MED12L: variants seen among roughly 807,000 people sequenced by gnomAD.
The protein encoded by MED12L is mediator complex subunit 12L, also known as mediator of RNA polymerase II transcription subunit 12-like protein.
In MED12L, 60 loss-of-function variants were observed where a neutral mutation model predicts 281.3. That is an observed-to-expected ratio of 0.21 (90% confidence interval 0.17 to 0.26). The LOEUF is 0.26. Among genes scored for constraint, MED12L ranks in the 10% least tolerant of loss-of-function variants. The probability of loss-of-function intolerance (pLI) is 1.00; values close to 1 mark genes in which losing one functional copy is unlikely to be tolerated. For missense variants in MED12L, 2,146 were observed against 2,680.9 expected (o/e 0.80, Z 4.41); for synonymous variants, 974 against 987.2 (o/e 0.99, Z 0.25).
At chr3:151,219,140 A>T (rs1577007368) in intron 16 of MED12L, among the ~76,000 whole-genome samples, 1 of 152,192 alleles carries the variant, frequency 6.6e-6, no homozygotes, top group African/African-American at 2.4e-5. Context: ...TCAATGCCAA[A>T]GATTCAATCT....
chr3:151,346,461 T>C (rs941190297), intron 16 of MED12L, among the ~76,000 whole-genome samples: 1 of 152,188 alleles, frequency 6.6e-6, no homozygotes, highest in Non-Finnish European at 1.5e-5. Flanking sequence ...CCTCTTACTT[T>C]AACCGCTTGT....
At chr3:151,363,151 CAG>C (rs1491523900) in intron 21 of MED12L, among the ~76,000 whole-genome samples, 12 of 152,110 alleles carry the variant, frequency 7.9e-5, no homozygotes, top group African/African-American at 2.7e-4. Context: ...AGTAATTACT[CAG>C]GGGTCAGCAG....
chr3:151,267,104 ACTC>A (rs1010562236), intron 16 of MED12L, among the ~76,000 whole-genome samples: 8 of 152,080 alleles, frequency 5.3e-5, no homozygotes, highest in Admixed American at 4.6e-4. Context: ...GCGTGTTAGA[ACTC>A]CTTACATTCT....
intron 21 of MED12L, among the ~76,000 whole-genome samples, chr3:151,361,304 A>C (rs1217842672): frequency 6.6e-6 from 1 of 152,124 alleles, no homozygotes; most frequent in Non-Finnish European, 1.5e-5. Flanking sequence ...TTTTTTTAAA[A>C]TGACCAGTAC....
intron 37 of MED12L, among the ~76,000 whole-genome samples, 163 bp from the exon 38 acceptor site, chr3:151,389,816 C>A (rs1713952128): frequency 6.6e-6 from 1 of 152,146 alleles, no homozygotes; most frequent in Admixed American, 6.5e-5. Context: ...ATGAATATTT[C>A]CAGGGGATTT....
At chr3:151,318,578 C>T (rs1401073534) in intron 16 of MED12L, among the ~76,000 whole-genome samples, 1 of 152,146 alleles carries the variant, frequency 6.6e-6, no homozygotes, top group African/African-American at 2.4e-5. Flanking sequence ...AGAAGCATCT[C>T]TTATGGCCCC....
At chr3:151,269,671 TA>T in intron 16 of MED12L, 1 of 416,310 alleles carries the variant, frequency 2.4e-6, no homozygotes, top group Non-Finnish European at 4.6e-6. Flanking sequence ...TTGGAGGTAT[TA>T]AATCAGGTTA....
intron 2 of MED12L, among the ~76,000 whole-genome samples, chr3:151,099,407 T>C (rs1721126910): frequency 6.6e-6 from 1 of 152,228 alleles, no homozygotes; most frequent in South Asian, 2.1e-4. Flanking sequence ...TGAATACATA[T>C]TCATTAAAAA....
At chr3:151,348,378 A>G (rs981778547) in intron 16 of MED12L, among the ~76,000 whole-genome samples, 5 of 147,876 alleles carry the variant, frequency 3.4e-5, no homozygotes, top group East Asian at 2.0e-4. Context: ...AAAGAAATAT[A>G]TCAGTAATTC....
chr3:151,309,131 A>ACACG (rs1311382941), intron 16 of MED12L, among the ~76,000 whole-genome samples: 1 of 135,958 alleles, frequency 7.4e-6, no homozygotes, highest in Non-Finnish European at 1.5e-5. Context: ...ACACACACAC[A>ACACG]CACACACACG....
chr3:151,111,656 C>T (rs1711913350), intron 2 of MED12L, among the ~76,000 whole-genome samples: 1 of 152,188 alleles, frequency 6.6e-6, no homozygotes, highest in African/African-American at 2.4e-5. Flanking sequence ...GGAATTAGAG[C>T]ATCCCCATTG....
chr3:151,372,216 A>G (rs149845121), intron 26 of MED12L, among the ~76,000 whole-genome samples: 3 of 152,338 alleles, frequency 2.0e-5, no homozygotes, highest in South Asian at 2.1e-4. Flanking sequence ...TTCCTTGTCT[A>G]TAAGTCAAAT....
chr3:151,396,883 G>T (rs1715051081), intron 39 of MED12L, among the ~76,000 whole-genome samples: 1 of 152,130 alleles, frequency 6.6e-6, no homozygotes, highest in Admixed American at 6.5e-5. Flanking sequence ...AACGATTTCA[G>T]CTAGAAATTT....
chr3:151,392,845 C>A (rs996010329), intron 38 of MED12L, among the ~76,000 whole-genome samples: 7 of 152,116 alleles, frequency 4.6e-5, no homozygotes, highest in African/African-American at 1.7e-4. Context: ...CCAGTAGTTT[C>A]TCAGAGGTAC....
At chr3:151,131,786 T>C (rs1206616046) in intron 5 of MED12L, among the ~76,000 whole-genome samples, 7 of 152,208 alleles carry the variant, frequency 4.6e-5, no homozygotes, top group African/African-American at 1.7e-4. Flanking sequence ...AAGAACGTTA[T>C]GGACTTGTTG....
intron 6 of MED12L, among the ~76,000 whole-genome samples, chr3:151,157,159 C>G (rs1341022130): frequency 2.0e-5 from 3 of 151,892 alleles, no homozygotes; most frequent in African/African-American, 7.3e-5. Context: ...AGAATTTAGT[C>G]TGCATCTTGG....
At chr3:151,269,052 T>G (rs1395644647) in intron 16 of MED12L, among the ~76,000 whole-genome samples, 1 of 152,150 alleles carries the variant, frequency 6.6e-6, no homozygotes, top group Non-Finnish European at 1.5e-5. Flanking sequence ...TTGGCCTCTC[T>G]GGGCTTGCTG....
In MED12L at chr3:151,386,398, T is replaced by C. The variant is rs185719365; in HGVS notation, c.5088+1207T>C. ...TTTATTTTGTTTTACTTTGTTTATTTATATTTTTTGAGATGGAATCTCGCT... is the reference window on the plus strand; with the variant it reads ...TTTATTTTGTTTTACTTTGTTTATTCATATTTTTTGAGATGGAATCTCGCT... On this transcript the variant is annotated intron_variant, in intron 36 of 44. Coordinates refer to ENST00000687756, the MANE Select transcript of MED12L (RefSeq NM_001393769.1). 2.6e-3 allele frequency among the ~76,000 whole-genome samples: 395 copies of C among 152,260 alleles called. 2 individuals are homozygous for C. The highest frequency in any genetic ancestry group is 9.3e-3 in the African/African-American group (385 of 41,554).
chr3:151,144,402 A>G (rs1717479924), intron 5 of MED12L, among the ~76,000 whole-genome samples: 1 of 152,208 alleles, frequency 6.6e-6, no homozygotes, highest in Admixed American at 6.5e-5. Flanking sequence ...GATACAGCCC[A>G]GCAACCTCAC....
Sources: gnomAD v4.1 joint callset for allele counts (sites outside exome capture counted in the v4.1 genomes callset) on GRCh38, gnomAD v4.1.1 for gene constraint, MANE v1.5 for transcripts, NCBI Gene and HGNC (gene_info 2026-07-23, HGNC 2026-07-21) for gene names.